SIPA1L3: variants seen among roughly 807,000 people sequenced by gnomAD.
SIPA1L3 encodes signal induced proliferation associated 1 like 3, also known as signal-induced proliferation-associated 1-like protein 3.
In SIPA1L3, 59 loss-of-function variants were observed where a neutral mutation model predicts 150.1. The observed-to-expected ratio is 0.39, with a 90% CI of 0.32 to 0.49. The LOEUF (loss-of-function observed/expected upper bound fraction) is 0.49, where lower values mean the gene tolerates loss of function less well. Ranked by LOEUF, SIPA1L3 falls within the 20% of genes least tolerant of loss-of-function variation. SIPA1L3 has a pLI of 0.86. For missense variants in SIPA1L3, 2,211 were observed against 2,489.5 expected (o/e 0.89, Z 2.38); for synonymous variants, 1,070 against 1,077.6 (o/e 0.99, Z 0.14).
intron 5 of SIPA1L3, 31 bp from the exon 6 acceptor site, chr19:38,101,021 T>G: frequency 6.6e-7 from 1 of 1,506,600 alleles, no homozygotes; most frequent in Admixed American, 2.2e-5. Flanking sequence ...CTGCCTGGCC[T>G]GCCTCCACAA....
At chr19:38,005,236 C>T (rs190848897) in intron 1 of SIPA1L3, among the ~76,000 whole-genome samples, 1 of 152,256 alleles carries the variant, frequency 6.6e-6, no homozygotes, top group Non-Finnish European at 1.5e-5. Context: ...AATTGGGCCA[C>T]ACTTCTTGAC....
chr19:38,119,281 A>C (rs773481159), intron 8 of SIPA1L3, 25 bp from the exon 9 acceptor site: 2 of 1,584,688 alleles, frequency 1.3e-6, no homozygotes, highest in Non-Finnish European at 1.7e-6. Flanking sequence ...TCTTCCCACC[A>C]TCTAAATAAT....
intron 16 of SIPA1L3, among the ~76,000 whole-genome samples, chr19:38,190,242 G>A (rs59257801): frequency 0.03 from 4,503 of 152,298 alleles, 204 homozygotes; most frequent in African/African-American, 0.1. Context: ...CCTCACTGCC[G>A]GGAGATGGGC....
intron 14 of SIPA1L3, 149 bp downstream of exon 14, chr19:38,162,520 G>C (rs565689474): frequency 3.1e-6 from 2 of 652,316 alleles, no homozygotes; most frequent in African/African-American, 1.8e-5. Flanking sequence ...AACCAACCAG[G>C]TTCACATTCT....
At chr19:38,008,129 CT>C (rs1456796242) in intron 1 of SIPA1L3, among the ~76,000 whole-genome samples, 1 of 146,732 alleles carries the variant, frequency 6.8e-6, no homozygotes, top group Admixed American at 6.9e-5. Context: ...GCCTTGCCCT[CT>C]TTTCATGGAC....
At chr19:38,044,151 T>C (rs1714196644) in intron 2 of SIPA1L3, among the ~76,000 whole-genome samples, 1 of 152,154 alleles carries the variant, frequency 6.6e-6, no homozygotes, top group Non-Finnish European at 1.5e-5. Flanking sequence ...GGGGTGAAGA[T>C]ACTGCATTGA....
chr19:38,137,494 T>A (rs974732073), intron 10 of SIPA1L3, among the ~76,000 whole-genome samples: 1 of 19,832 alleles, frequency 5.0e-5, no homozygotes. Context: ...TGGCCCATAT[T>A]TTTTTTTTTT....
At chr19:38,183,361 G>C (rs952111776) in intron 16 of SIPA1L3, among the ~76,000 whole-genome samples, 3 of 152,140 alleles carry the variant, frequency 2.0e-5, no homozygotes, top group African/African-American at 2.4e-5. Context: ...GGAGCAGGGT[G>C]GGGGCGGAGA....
At chr19:38,181,121 C>G (rs1434647709) in intron 15 of SIPA1L3, among the ~76,000 whole-genome samples, 2 of 152,274 alleles carry the variant, frequency 1.3e-5, no homozygotes, top group East Asian at 3.9e-4. Flanking sequence ...CAAAATGCGA[C>G]AAATTTCCTC....
intron 2 of SIPA1L3, among the ~76,000 whole-genome samples, chr19:38,042,406 C>T (rs537747580): frequency 1.8e-4 from 27 of 152,118 alleles, no homozygotes; most frequent in Non-Finnish European, 3.4e-4. Context: ...TTTTATTTCG[C>T]AGTGTTGCTT....
intron 4 of SIPA1L3, among the ~76,000 whole-genome samples, chr19:38,092,669 G>C (rs2145844033): frequency 6.6e-6 from 1 of 152,258 alleles, no homozygotes; most frequent in Non-Finnish European, 1.5e-5. Context: ...CCCCGTCCCA[G>C]CTCTATGCTG....
intron 1 of SIPA1L3, among the ~76,000 whole-genome samples, chr19:38,004,309 C>G (rs1967882878): frequency 6.6e-6 from 1 of 152,170 alleles, no homozygotes; most frequent in Admixed American, 6.5e-5. Flanking sequence ...GCCCAGAGAC[C>G]TGAAGAAAGC....
chr19:38,141,082 A>T, intron 10 of SIPA1L3, 102 bp from the exon 11 acceptor site: 3 of 891,520 alleles, frequency 3.4e-6, no homozygotes, highest in Non-Finnish European at 4.8e-6. Flanking sequence ...AAAAAAAAAA[A>T]GCCATCCCGG....
intron 1 of SIPA1L3, among the ~76,000 whole-genome samples, chr19:37,993,246 C>T (rs992417156): frequency 6.6e-6 from 1 of 152,122 alleles, no homozygotes; most frequent in Non-Finnish European, 1.5e-5. Context: ...CTGTGGGGAT[C>T]ACGAGATGAT....
At chr19:38,026,141 G>T (rs1469882299) in intron 1 of SIPA1L3, among the ~76,000 whole-genome samples, 3 of 152,162 alleles carry the variant, frequency 2.0e-5, no homozygotes. Context: ...TTCAGGCAAG[G>T]CTGGATCCAG....
intron 6 of SIPA1L3, 176 bp from the exon 7 acceptor site, chr19:38,106,361 C>T (rs1177026373): frequency 1.8e-6 from 1 of 555,472 alleles, no homozygotes; most frequent in Admixed American, 2.9e-5. Flanking sequence ...CCTGCCTCAG[C>T]CTCCCAAAGT....
At chr19:38,105,284 G>C (rs1970597627) in intron 6 of SIPA1L3, among the ~76,000 whole-genome samples, 1 of 151,982 alleles carries the variant, frequency 6.6e-6, no homozygotes, top group African/African-American at 2.4e-5. Context: ...AGAATTGCTT[G>C]AACCCAGGAG....
intron 18 of SIPA1L3, among the ~76,000 whole-genome samples, chr19:38,195,882 T>A (rs940853409): frequency 4.1e-5 from 6 of 146,088 alleles, no homozygotes; most frequent in Non-Finnish European, 9.0e-5. Flanking sequence ...TGTCACTAGA[T>A]GAGAATGTGT....
intron 6 of SIPA1L3, 45 bp downstream of exon 6, chr19:38,101,271 C>T (rs1226372214): frequency 1.5e-6 from 2 of 1,360,866 alleles, no homozygotes; most frequent in Non-Finnish European, 1.9e-6. Context: ...CCACTGCACT[C>T]CTACTCAACA....
Sources: gnomAD v4.1 joint callset for allele counts (sites outside exome capture counted in the v4.1 genomes callset) on GRCh38, gnomAD v4.1.1 for gene constraint, MANE v1.5 for transcripts, NCBI Gene and HGNC (gene_info 2026-07-23, HGNC 2026-07-21) for gene names.